The following BCAS3 variants were observed in gnomAD, a reference collection of about 807,000 sequenced individuals.
BCAS3 encodes BCAS4/BCAS3 fusion.
A neutral mutation model predicts 116.1 loss-of-function variants in BCAS3; 53 were observed. The observed-to-expected ratio is 0.46, with a 90% CI of 0.37 to 0.57. The LOEUF (loss-of-function observed/expected upper bound fraction) is 0.57, where lower values mean the gene tolerates loss of function less well. Ranked by LOEUF, BCAS3 falls within the 20% of genes least tolerant of loss-of-function variation. BCAS3 has a pLI of 0.00. For synonymous variants in BCAS3, 391 were observed against 408.2 expected (o/e 0.96, Z 0.51); for missense variants, 917 against 1,165.4 (o/e 0.79, Z 3.10).
chr17:60,834,678 T>G (rs954447115), intron 7 of BCAS3, among the ~76,000 whole-genome samples: 1 of 151,992 alleles, frequency 6.6e-6, no homozygotes, highest in Non-Finnish European at 1.5e-5. Flanking sequence ...TTTTTATGAG[T>G]TGAGCTAGAC....
Position 61,377,573 on chromosome 17 carries a change from T to C in BCAS3, c.2593+9079T>C, listed in dbSNP as rs2059396488. On this transcript the variant is annotated intron_variant, in intron 23 of 23. Transcript: ENST00000407086. The surrounding 1 kb of genome is among the most constrained non-coding windows in gnomAD (Gnocchi z 4.6). ...ACCTGTGACCCTGGGCAAGTGCCTT[T>C]CCCTCTCTGGGCCAGTTTCTTCCTC... Among the ~76,000 whole-genome samples, 2 of 152,160 alleles carry C rather than the reference T, an allele frequency of 1.3e-5. No individual in the cohort carries two copies. Among genetic ancestry groups the C allele is most frequent in the Non-Finnish European group, 2.9e-5 (2 of 68,026 alleles).
intron 22 of BCAS3, among the ~76,000 whole-genome samples, chr17:61,159,993 GA>G (rs1601641241): frequency 1.5e-5 from 1 of 67,198 alleles, no homozygotes; most frequent in East Asian, 6.5e-4. Flanking sequence ...TGGCATCTTT[GA>G]TTTTTTTTTT....
chr17:61,236,047 C>G (rs1374267059), intron 22 of BCAS3, among the ~76,000 whole-genome samples: 1 of 152,190 alleles, frequency 6.6e-6, no homozygotes, highest in Non-Finnish European at 1.5e-5. Context: ...GTTACAATTG[C>G]AGCTGGATCT....
At chr17:61,197,525 GAAAC>G (rs1172584478) in intron 22 of BCAS3, among the ~76,000 whole-genome samples, 1 of 152,146 alleles carries the variant, frequency 6.6e-6, no homozygotes, top group African/African-American at 2.4e-5. Flanking sequence ...TGATCTGCCT[GAAAC>G]AAACATTTAG....
Position 61,286,137 on chromosome 17 carries a change from T to C in BCAS3, c.2426-82190T>C, listed in dbSNP as rs1368801499. Among the ~76,000 whole-genome samples the C allele has an allele frequency of 6.6e-6, 1 of 152,192 alleles. No homozygotes were observed. The highest frequency in any genetic ancestry group is 6.5e-5 in the Admixed American group (1 of 15,286). ...AGTCAACAGACTGCTACAAAGTAGC[T>C]TAAACTCTGCACACATCTTCCTCTG... On this transcript the variant is annotated intron_variant, in intron 22 of 23. Coordinates refer to ENST00000407086, the MANE Select transcript of BCAS3 (RefSeq NM_017679.5). This position sits in a 1 kb window ranked among gnomAD's most constrained non-coding sequence, Gnocchi z 4.8.
chr17:60,905,408 A>G (rs919209925), intron 11 of BCAS3, among the ~76,000 whole-genome samples: 1 of 152,250 alleles, frequency 6.6e-6, no homozygotes, highest in Admixed American at 6.5e-5. Context: ...AATTGAAAAT[A>G]TATTCATTGA....
chr17:60,973,586 AATATATAT>A (rs34671111), intron 14 of BCAS3, among the ~76,000 whole-genome samples: 8 of 137,974 alleles, frequency 5.8e-5, no homozygotes, highest in African/African-American at 2.3e-4. Flanking sequence ...CCTTATTATT[AATATATAT>A]ATATATATAT....
chr17:60,954,181 T>A (rs9890322), intron 14 of BCAS3, among the ~76,000 whole-genome samples: 1 of 151,932 alleles, frequency 6.6e-6, no homozygotes, highest in African/African-American at 2.4e-5. Flanking sequence ...TAGGTATGTG[T>A]CCTTATTTCT....
intron 4 of BCAS3, among the ~76,000 whole-genome samples, chr17:60,697,548 A>C (rs2035757144): frequency 6.9e-6 from 1 of 145,392 alleles, no homozygotes; most frequent in Admixed American, 7.2e-5. Flanking sequence ...GCACCACTGC[A>C]CTCCAGCCTG....
At chr17:61,135,744 C>T (rs1000521346) in intron 22 of BCAS3, 1 of 152,180 alleles carries the variant, frequency 6.6e-6, no homozygotes, top group Non-Finnish European at 1.5e-5. Context: ...ATGTCAGGCT[C>T]ATAAATAAGT....
At chr17:60,776,718 C>CAAAAA (rs749033165) in intron 6 of BCAS3, among the ~76,000 whole-genome samples, 1 of 46,540 alleles carries the variant, frequency 2.1e-5, no homozygotes, top group South Asian at 7.4e-4. Flanking sequence ...GACTCCGTCT[C>CAAAAA]AAAAAAAAAA....
rs4335826 is a variant in BCAS3, at chr17:61,037,193, A to T, written c.1763-696A>T. On this transcript the variant is annotated intron_variant, in intron 17 of 23. Transcript: ENST00000407086. The surrounding 1 kb of genome is among the most constrained non-coding windows in gnomAD (Gnocchi z 4.7). ...ATACAACTAACCTTTCATGCAAGTC[A>T]TTTGGTACATGCAGGGTAACTAAAT... 0.052 allele frequency among the ~76,000 whole-genome samples: 7,979 copies of T among 152,274 alleles called. 746 individuals are homozygous for T. The highest frequency in any genetic ancestry group is 0.18 in the African/African-American group (7,523 of 41,524).
rs1352634081 is a variant in BCAS3 at position 61,181,799 on chromosome 17, T to C, written c.2425+97235T>C. 1.3e-5 allele frequency among the ~76,000 whole-genome samples: 2 copies of C among 152,174 alleles called. No homozygotes were observed. The highest frequency in any genetic ancestry group is 4.8e-5 in the African/African-American group (2 of 41,426). ...TTTATTCTTGAGTTGAAGTACATGA[T>C]ATGACAGCAGAGGTTGGAAACTTTT... On this transcript the variant is annotated intron_variant, in intron 22 of 23. Coordinates refer to ENST00000407086, the MANE Select transcript of BCAS3 (RefSeq NM_017679.5). This position sits in a 1 kb window ranked among gnomAD's most constrained non-coding sequence, Gnocchi z 5.0.
intron 6 of BCAS3, 55 bp downstream of exon 6, chr17:60,747,334 G>A: frequency 1.3e-5 from 18 of 1,414,780 alleles, no homozygotes; most frequent in Non-Finnish European, 1.8e-5. Flanking sequence ...TCTTTTGTTG[G>A]TCTTGGACTA....
chr17:61,081,430 G>A (rs1283935336), intron 21 of BCAS3, among the ~76,000 whole-genome samples: 2 of 151,900 alleles, frequency 1.3e-5, no homozygotes, highest in Admixed American at 6.6e-5. Context: ...AATTTTCCTC[G>A]CAGACTTTCC....
rs1053303427 is a variant in BCAS3 at position 61,239,726 on chromosome 17, A to G, written c.2426-128601A>G. 1.3e-5 allele frequency among the ~76,000 whole-genome samples: 2 copies of G among 152,222 alleles called. No individual in the cohort carries two copies. The highest frequency in any genetic ancestry group is 2.9e-5 in the Non-Finnish European group (2 of 68,034). Reference sequence around the variant, plus strand: ...CCTACTTAAAATTAAGAACTTAAAGATTTTAATCAAGATAATCCTAAAATG... The same window carrying G: ...CCTACTTAAAATTAAGAACTTAAAGGTTTTAATCAAGATAATCCTAAAATG... On this transcript the variant is annotated intron_variant, in intron 22 of 23. Transcript: ENST00000407086. The surrounding 1 kb of genome is among the most constrained non-coding windows in gnomAD (Gnocchi z 4.2).
chr17:61,022,731 C>T (rs2065966622), intron 16 of BCAS3, among the ~76,000 whole-genome samples: 2 of 152,138 alleles, frequency 1.3e-5, no homozygotes, highest in Admixed American at 6.5e-5. Flanking sequence ...CTTCAAACTC[C>T]TGGGCTCAAG....
intron 4 of BCAS3, among the ~76,000 whole-genome samples, chr17:60,695,439 A>C (rs1189149249): frequency 1.3e-5 from 2 of 152,054 alleles, no homozygotes; most frequent in Non-Finnish European, 2.9e-5. Flanking sequence ...TTATTCATTC[A>C]TTTATTGAAA....
In BCAS3 at chr17:61,278,029, GTTTGT is replaced by G. The variant is rs369733152; in HGVS notation, c.2426-90275_2426-90271del. ...TGAAAACATACCCACACAAAAAATGGTTTGTTTTGTTTTGTTTTGTTTTGTTTGAC... is the reference window on the plus strand; with the variant it reads ...TGAAAACATACCCACACAAAAAATGGTTTGTTTTGTTTTGTTTTGTTTGAC... On this transcript the variant is annotated intron_variant, in intron 22 of 23. Coordinates refer to ENST00000407086, the MANE Select transcript of BCAS3 (RefSeq NM_017679.5). The surrounding 1 kb of genome is among the most constrained non-coding windows in gnomAD (Gnocchi z 5.8). Among the ~76,000 whole-genome samples, 499 of 151,922 alleles carry G rather than the reference GTTTGT, an allele frequency of 3.3e-3. 7 individuals carry two copies. Among genetic ancestry groups the G allele is most frequent in the African/African-American group, 0.012 (479 of 41,274 alleles).
Sources: allele counts gnomAD v4.1 joint callset (sites outside exome capture counted in the v4.1 genomes callset), GRCh38; gene constraint gnomAD v4.1.1; non-coding constraint Gnocchi (gnomAD v3.1); transcripts MANE v1.5; gene names NCBI Gene and HGNC (gene_info 2026-07-23, HGNC 2026-07-21).